The following SPAG6 variants were observed in gnomAD, a reference collection of about 807,000 sequenced individuals.
SPAG6 encodes the protein sperm-associated antigen 6.
A neutral mutation model predicts 58.5 loss-of-function variants in SPAG6; 49 were observed. The ratio of observed to expected loss-of-function variants is 0.84; its 90% CI spans 0.67 to 1.06. The LOEUF is 1.06. Ranked by LOEUF, SPAG6 falls within the 50% of genes least tolerant of loss-of-function variation. The pLI, the probability that SPAG6 is intolerant of heterozygous loss-of-function variation, is 0.00. For missense variants in SPAG6, 560 were observed against 611.3 expected (o/e 0.92, Z 0.89); for synonymous variants, 233 against 225.6 (o/e 1.03, Z -0.29).
At chr10:22,392,220 T>C (rs1395694038) in intron 8 of SPAG6, among the ~76,000 whole-genome samples, 2 of 152,174 alleles carry the variant, frequency 1.3e-5, no homozygotes, top group African/African-American at 4.8e-5. Context: ...TTTTTTAGTT[T>C]GAATTTGCTG....
intron 2 of SPAG6, among the ~76,000 whole-genome samples, chr10:22,357,497 G>A (rs1438637967): frequency 6.6e-6 from 1 of 151,828 alleles, no homozygotes; most frequent in Non-Finnish European, 1.5e-5. Context: ...TAATTACAAT[G>A]GATGGTATTA....
intron 2 of SPAG6, among the ~76,000 whole-genome samples, chr10:22,360,049 T>G (rs1836991136): frequency 6.6e-6 from 1 of 152,208 alleles, no homozygotes; most frequent in Admixed American, 6.5e-5. Context: ...TTTCTATATG[T>G]CACTGGCATG....
intron 2 of SPAG6, among the ~76,000 whole-genome samples, chr10:22,350,345 G>A (rs993048861): frequency 1.3e-5 from 2 of 151,992 alleles, no homozygotes; most frequent in African/African-American, 4.8e-5. Context: ...GTTCCTACAT[G>A]GACATTGATC....
rs1486734630 is a variant in SPAG6, at chr10:22,395,937, T to A, written c.1197+4017T>A. On this transcript the variant is annotated intron_variant, in intron 8 of 10. Coordinates refer to ENST00000376624, the MANE Select transcript of SPAG6 (RefSeq NM_012443.4). ...TCAAGATAATTGTATTTGTTTGTTC[T>A]CACACTGCTGTAAATAACTACCTGA... 2.0e-5 allele frequency among the ~76,000 whole-genome samples: 3 copies of A among 152,340 alleles called. No individual in the cohort carries two copies. In the East Asian group the frequency reaches 5.8e-4, roughly 29 times the overall value.
intron 8 of SPAG6, among the ~76,000 whole-genome samples, chr10:22,394,796 T>C (rs998185484): frequency 6.6e-6 from 1 of 152,208 alleles, no homozygotes; most frequent in Non-Finnish European, 1.5e-5. Context: ...AGCCTTGAAC[T>C]CCTGGGCCCA....
intron 10 of SPAG6, among the ~76,000 whole-genome samples, chr10:22,412,236 CTTA>C (rs1358772863): frequency 6.6e-6 from 1 of 152,120 alleles, no homozygotes; most frequent in Admixed American, 6.5e-5. Context: ...ACATTTATTT[CTTA>C]TTTTCTTTGA....
Position 22,391,881 on chromosome 10 carries a change from G to A in SPAG6, c.1158G>A (p.Leu386=). ...VTNTLPVLLS[L]YMSTESSEDL... ...ATACTTTGCCAGTTCTGCTTTCTTT[G>A]TACATGTCAACAGAAAGTTCTGAGG... The change falls in exon 8 of 11, where the codon TTG becomes TTA. Residue 386 remains leucine, a synonymous_variant. Coordinates refer to ENST00000376624, the MANE Select transcript of SPAG6 (RefSeq NM_012443.4). 1.2e-6 allele frequency: 2 copies of A among 1,613,248 alleles called. No individual in the cohort carries two copies. Among genetic ancestry groups the A allele is most frequent in the East Asian group, 2.2e-5 (1 of 44,876 alleles).
Position 22,345,774 on chromosome 10 carries a change from A to G in SPAG6, c.77A>G (p.Glu26Gly). 6.2e-7 allele frequency: 1 copy of G among 1,613,726 alleles called. No homozygotes were observed. The highest frequency in any genetic ancestry group is 1.1e-5 in the South Asian group (1 of 91,044). The change falls in exon 2 of 11, where the codon GAG (glutamate) becomes GGG (glycine). Residue 26 changes from glutamate to glycine, a missense_variant. Coordinates refer to ENST00000376624, the MANE Select transcript of SPAG6 (RefSeq NM_012443.4). The surrounding 1 kb of genome is among the most constrained non-coding windows in gnomAD (Gnocchi z 6.3). The part of the protein sequence containing the change: ...ARTQFVQMVA[E>G]LATRPQNIET... Reference sequence around the variant, plus strand: ...ACCCAGTTCGTGCAGATGGTGGCGGAGCTGGCGACTAGACCCCAAAACATC... The same window carrying G: ...ACCCAGTTCGTGCAGATGGTGGCGGGGCTGGCGACTAGACCCCAAAACATC...
intron 8 of SPAG6, among the ~76,000 whole-genome samples, chr10:22,395,675 G>T (rs1834276319): frequency 1.3e-5 from 2 of 152,022 alleles, no homozygotes; most frequent in South Asian, 4.1e-4. Flanking sequence ...CATTCTGTGG[G>T]TTATCTTATT....
At chr10:22,401,056 C>T (rs901455340) in intron 8 of SPAG6, 105 bp from the exon 9 acceptor site, 4 of 679,812 alleles carry the variant, frequency 5.9e-6, no homozygotes, top group African/African-American at 1.8e-5. Context: ...CAGCTTAGAC[C>T]AGGAAATTGA....
intron 5 of SPAG6, among the ~76,000 whole-genome samples, 194 bp downstream of exon 5, chr10:22,387,153 G>A (rs1188177238): frequency 1.3e-5 from 2 of 152,064 alleles, no homozygotes; most frequent in Admixed American, 6.6e-5. Flanking sequence ...TGTGATTGGG[G>A]AAACTATGTA....
At chr10:22,395,047 C>T (rs981769035) in intron 8 of SPAG6, among the ~76,000 whole-genome samples, 1 of 152,134 alleles carries the variant, frequency 6.6e-6, no homozygotes, top group African/African-American at 2.4e-5. Context: ...TGAAGTTTCA[C>T]AGTTCGTCCA....
intron 10 of SPAG6, among the ~76,000 whole-genome samples, chr10:22,414,932 A>T (rs1170085701): frequency 1.3e-5 from 2 of 151,988 alleles, no homozygotes; most frequent in African/African-American, 4.8e-5. Context: ...ATGCCCAGCT[A>T]ATTTTGTATT....
chr10:22,387,838 GCT>G lies in SPAG6; in HGVS notation c.698_699del (p.Leu233GlnfsTer16). On this transcript the variant is annotated frameshift_variant, in exon 6 of 11. Coordinates refer to ENST00000376624, the MANE Select transcript of SPAG6 (RefSeq NM_012443.4). LOFTEE classifies it high-confidence loss of function. ...TGCTTCACAGCATCAGATCCTTTCA[GCT>G]CTCAGTCAGGTTTCAAAACATTCCG... ...DAKLKHQILS[A>X]LSQVSKHSVD... The G allele has an allele frequency of 1.2e-6, 2 of 1,611,188 alleles. No individual in the cohort carries two copies. Among genetic ancestry groups the G allele is most frequent in the Non-Finnish European group, 1.7e-6 (2 of 1,179,056 alleles).
intron 3 of SPAG6, among the ~76,000 whole-genome samples, chr10:22,367,902 T>C (rs927135052): frequency 2.0e-5 from 3 of 152,356 alleles, no homozygotes; most frequent in Admixed American, 6.5e-5. Context: ...ATTGTTTGGC[T>C]GATTTATTTG....
In SPAG6 at chr10:22,416,735, G is replaced by A. The variant is rs750407502; in HGVS notation, c.*47G>A. On this transcript the variant is annotated 3_prime_UTR_variant, in exon 11 of 11. Transcript: ENST00000376624. ...CAAATTCACAGCAGAGTAGTTTTGA[G>A]TAACAGTAATTAAATCCTTCTAAAT... The A allele has an allele frequency of 8.3e-6, 9 of 1,087,158 alleles. No homozygotes were observed. The South Asian group carries it at 1.0e-4, about 13-fold the overall frequency. The allele number at this position is 1,087,158 out of a possible 1,614,324, so 67.3% of individuals were successfully genotyped here.
At chr10:22,387,239 G>T (rs1390459830) in intron 5 of SPAG6, among the ~76,000 whole-genome samples, 3 of 152,100 alleles carry the variant, frequency 2.0e-5, no homozygotes, top group Admixed American at 6.6e-5. Flanking sequence ...TCCTGGTTTG[G>T]AAAAGACCTA....
chr10:22,375,666 C>T (rs1833800370), intron 4 of SPAG6, among the ~76,000 whole-genome samples: 1 of 148,402 alleles, frequency 6.7e-6, no homozygotes, highest in Admixed American at 6.7e-5. Flanking sequence ...GCAACTTCCC[C>T]CTCCCAGGTT....
intron 8 of SPAG6, among the ~76,000 whole-genome samples, chr10:22,393,421 A>G (rs1256300753): frequency 1.3e-5 from 2 of 152,270 alleles, no homozygotes; most frequent in South Asian, 2.1e-4. Flanking sequence ...TGTACTTTTT[A>G]TATACTACTA....
Sources: allele counts gnomAD v4.1 joint callset (sites outside exome capture counted in the v4.1 genomes callset), GRCh38; gene constraint gnomAD v4.1.1; non-coding constraint Gnocchi (gnomAD v3.1); transcripts MANE v1.5; gene names NCBI Gene and HGNC (gene_info 2026-07-23, HGNC 2026-07-21).